RBFOX3: variants seen among roughly 807,000 people sequenced by gnomAD.
RBFOX3 encodes RNA binding protein fox-1 homolog 3.
RBFOX3 carries 17 observed loss-of-function variants against 48.7 expected under a neutral mutation model. That is an observed-to-expected ratio of 0.35 (90% CI 0.24 to 0.52). RBFOX3 has a LOEUF of 0.52. RBFOX3 is among the 20% of genes least tolerant of loss of function. RBFOX3 has a pLI of 0.94. For synonymous variants in RBFOX3, 212 were observed against 209.5 expected (o/e 1.01, Z -0.10); for missense variants, 382 against 497.5 (o/e 0.77, Z 2.21).
At chr17:79,568,911 G>A (rs961696039) in intron 1 of RBFOX3, among the ~76,000 whole-genome samples, 10 of 151,916 alleles carry the variant, frequency 6.6e-5, no homozygotes, top group Non-Finnish European at 1.0e-4. Context: ...CCAGAGCTCC[G>A]GACCCAGTGA....
chr17:79,139,953 C>T (rs2041579034), intron 4 of RBFOX3, among the ~76,000 whole-genome samples: 1 of 152,036 alleles, frequency 6.6e-6, no homozygotes, highest in Non-Finnish European at 1.5e-5. Context: ...AAGTCTCAGG[C>T]TTTCCCTGCA....
Position 79,213,057 on chromosome 17 carries a change from A to G in RBFOX3, c.-34+22709T>C, listed in dbSNP as rs144001956. Among the ~76,000 whole-genome samples, 602 of 152,164 alleles carry G rather than the reference A, an allele frequency of 4.0e-3. 6 individuals are homozygous for G. Among genetic ancestry groups the G allele is most frequent in the Middle Eastern group, 0.017 (5 of 294 alleles). Reference sequence around the variant, plus strand: ...TTTTTAGTGGAGACAGGGTTTCACTATGTTGGCCAGGCTGGTCATGAACTC... The same window carrying G: ...TTTTTAGTGGAGACAGGGTTTCACTGTGTTGGCCAGGCTGGTCATGAACTC... On this transcript the variant is annotated intron_variant, in intron 4 of 14. Transcript: ENST00000693108.
At position 79,521,323 on chromosome 17, in the gene RBFOX3, C is replaced by CACAT. The variant is rs1391959358; in HGVS notation, c.-319-38729_-319-38726dup. Among the ~76,000 whole-genome samples, 20 of 151,806 alleles carry CACAT rather than the reference C, an allele frequency of 1.3e-4. No homozygotes were observed. The East Asian group carries it at 3.5e-3, about 26-fold the overall frequency. Reference sequence around the variant, plus strand: ...AGATACACACACATGCTCAGACACACACATTCATACACACATTCACACACT... The same window carrying CACAT: ...AGATACACACACATGCTCAGACACACACATACATTCATACACACATTCACACACT... On this transcript the variant is annotated intron_variant, in intron 1 of 14. Coordinates refer to ENST00000693108, the MANE Select transcript of RBFOX3 (RefSeq NM_001350451.2).
chr17:79,226,282 A>G (rs892924320), intron 4 of RBFOX3, among the ~76,000 whole-genome samples: 3 of 152,188 alleles, frequency 2.0e-5, no homozygotes, highest in Non-Finnish European at 4.4e-5. Flanking sequence ...TGGGAGTCAC[A>G]GGAGGATTTG....
rs2078422696 is a variant in RBFOX3, at chr17:79,479,231, T to C, written c.-175+3223A>G. ...AGAGCTCTGGTAGCCCAAGGGGTGG[T>C]TTTGGCGGCCCCTTCTCTGAAGCCC... On this transcript the variant is annotated intron_variant, in intron 2 of 14. Transcript: ENST00000693108. This position sits in a 1 kb window ranked among gnomAD's most constrained non-coding sequence, Gnocchi z 5.1. Among the ~76,000 whole-genome samples, 2 of 152,136 alleles carry C rather than the reference T, an allele frequency of 1.3e-5. No individual in the cohort carries two copies. Among genetic ancestry groups the C allele is most frequent in the African/African-American group, 4.8e-5 (2 of 41,422 alleles).
chr17:79,280,841 TGG>T (rs34734841), intron 3 of RBFOX3, among the ~76,000 whole-genome samples: 2 of 101,798 alleles, frequency 2.0e-5, no homozygotes, highest in African/African-American at 4.1e-5. Flanking sequence ...TGTCCCATTG[TGG>T]GGGGGGGGAG....
chr17:79,097,611 TG>T, intron 10 of RBFOX3, 80 bp downstream of exon 10: 1 of 672,172 alleles, frequency 1.5e-6, no homozygotes, highest in Non-Finnish European at 2.3e-6. Flanking sequence ...CCGCCCCTCA[TG>T]CCCCGCCCCC....
chr17:79,248,108 G>A (rs556476992), intron 3 of RBFOX3, among the ~76,000 whole-genome samples: 2 of 152,354 alleles, frequency 1.3e-5, no homozygotes, highest in Admixed American at 6.5e-5. Context: ...CAAACAGGGC[G>A]AAGGGGCGGG....
At chr17:79,478,975 C>T (rs2078381396) in intron 2 of RBFOX3, among the ~76,000 whole-genome samples, 1 of 152,152 alleles carries the variant, frequency 6.6e-6, no homozygotes, top group Non-Finnish European at 1.5e-5. Flanking sequence ...CTGCTTCCTC[C>T]CCACACTCTC....
At chr17:79,459,618 C>A (rs1222937084) in intron 2 of RBFOX3, among the ~76,000 whole-genome samples, 2 of 152,180 alleles carry the variant, frequency 1.3e-5, no homozygotes, top group African/African-American at 2.4e-5. Context: ...CCACCCCCAC[C>A]AATCCTAGAG....
intron 3 of RBFOX3, among the ~76,000 whole-genome samples, chr17:79,293,516 A>C (rs1384462397): frequency 6.7e-6 from 1 of 148,244 alleles, no homozygotes; most frequent in Non-Finnish European, 1.5e-5. Flanking sequence ...GCAGTGGCAC[A>C]ATCTTGGCTC....
chr17:79,353,906 G>A (rs570124102), intron 2 of RBFOX3, among the ~76,000 whole-genome samples: 4 of 152,252 alleles, frequency 2.6e-5, no homozygotes, highest in African/African-American at 7.2e-5. Context: ...CCACCCCCGC[G>A]TTACCCACTT....
chr17:79,093,149 C>T (rs917946748), intron 14 of RBFOX3, among the ~76,000 whole-genome samples: 7 of 152,182 alleles, frequency 4.6e-5, no homozygotes, highest in African/African-American at 1.7e-4. Context: ...CTGGGGGGGT[C>T]TCTGGGTCCT....
rs1177511422 is a variant in RBFOX3, at chr17:79,471,011, C to G, written c.-175+11443G>C. The stretch of plus-strand genomic sequence containing the variant: ...ATGTTCTAGCTCTGTGATGCACCAC[C>G]ACGAAAAAAATAACAGCAGAACCAG... On this transcript the variant is annotated intron_variant, in intron 2 of 14. Coordinates refer to ENST00000693108, the MANE Select transcript of RBFOX3 (RefSeq NM_001350451.2). The surrounding 1 kb of genome is among the most constrained non-coding windows in gnomAD (Gnocchi z 4.0). Among the ~76,000 whole-genome samples the G allele has an allele frequency of 6.7e-6, 1 of 148,198 alleles. No homozygotes were observed. Among genetic ancestry groups the G allele is most frequent in the Non-Finnish European group, 1.5e-5 (1 of 68,020 alleles).
intron 2 of RBFOX3, among the ~76,000 whole-genome samples, chr17:79,451,734 C>T (rs1042284482): frequency 2.0e-5 from 3 of 152,250 alleles, no homozygotes; most frequent in Admixed American, 6.5e-5. Flanking sequence ...CTGGGTCCCC[C>T]GCAACCTTCC....
At chr17:79,420,059 G>A (rs1311543170) in intron 2 of RBFOX3, among the ~76,000 whole-genome samples, 6 of 151,528 alleles carry the variant, frequency 4.0e-5, no homozygotes, top group African/African-American at 9.7e-5. Context: ...CCTGGGAGGC[G>A]GATGTTGCAG....
At chr17:79,594,676 C>T (rs2093519943) in intron 1 of RBFOX3, among the ~76,000 whole-genome samples, 1 of 152,234 alleles carries the variant, frequency 6.6e-6, no homozygotes, top group African/African-American at 2.4e-5. Context: ...AAATACAGAA[C>T]TGTACATCAA....
At chr17:79,276,393 T>G (rs946776425) in intron 3 of RBFOX3, among the ~76,000 whole-genome samples, 5 of 152,016 alleles carry the variant, frequency 3.3e-5, no homozygotes, top group African/African-American at 1.2e-4. Flanking sequence ...TTTAAAAAAA[T>G]AATGTTTCTT....
At position 79,195,965 on chromosome 17, in the gene RBFOX3, C is replaced by T. The variant is rs1019487502; in HGVS notation, c.-34+39801G>A. Among the ~76,000 whole-genome samples the T allele has an allele frequency of 1.3e-5, 2 of 152,200 alleles. No individual in the cohort carries two copies. The highest frequency in any genetic ancestry group is 1.5e-5 in the Non-Finnish European group (1 of 68,042). Reference sequence around the variant, plus strand: ...ATGGCGATAATTATCATCATCAGAACACCCTGGACAAATTGGATCTCAGGC... The same window carrying T: ...ATGGCGATAATTATCATCATCAGAATACCCTGGACAAATTGGATCTCAGGC... On this transcript the variant is annotated intron_variant, in intron 4 of 14. Transcript: ENST00000693108. The surrounding 1 kb of genome is among the most constrained non-coding windows in gnomAD (Gnocchi z 5.3).
Sources: allele counts gnomAD v4.1 joint callset (sites outside exome capture counted in the v4.1 genomes callset), GRCh38; gene constraint gnomAD v4.1.1; non-coding constraint Gnocchi (gnomAD v3.1); transcripts MANE v1.5; gene names NCBI Gene and HGNC (gene_info 2026-07-23, HGNC 2026-07-21).